The following TUBGCP3 variants were observed in gnomAD, a reference collection of about 807,000 sequenced individuals.
TUBGCP3 encodes tubulin gamma complex component 3.
TUBGCP3 carries 50 observed loss-of-function variants against 123.1 expected under a neutral mutation model. That is an observed-to-expected ratio of 0.41 (90% confidence interval 0.32 to 0.51). TUBGCP3 has a LOEUF of 0.51. Ranked by LOEUF, TUBGCP3 falls within the 20% of genes least tolerant of loss-of-function variation. TUBGCP3 has a pLI of 0.36. For synonymous variants in TUBGCP3, 405 were observed against 413.9 expected (o/e 0.98, Z 0.26); for missense variants, 882 against 1,127.0 (o/e 0.78, Z 3.11).
intron 17 of TUBGCP3, among the ~76,000 whole-genome samples, chr13:112,514,430 T>A (rs1263859754): frequency 1.3e-5 from 2 of 152,092 alleles, no homozygotes; most frequent in African/African-American, 4.8e-5. Flanking sequence ...GGTGGGAGGA[T>A]CACTTGAGCC....
chr13:112,553,112 C>T (rs1321985974), intron 8 of TUBGCP3, among the ~76,000 whole-genome samples: 1 of 152,170 alleles, frequency 6.6e-6, no homozygotes, highest in Non-Finnish European at 1.5e-5. Context: ...ACCAGCCACA[C>T]TGCCACACCA....
chr13:112,548,918 A>T (rs537242367), intron 8 of TUBGCP3, among the ~76,000 whole-genome samples: 1,529 of 152,310 alleles, frequency 0.01, 8 homozygotes, highest in Non-Finnish European at 0.017. Context: ...ATTGTGGAAG[A>T]CAGTGTGGCG....
the TUBGCP3 span, chr13:112,604,672 T>C: frequency 1.3e-5 from 2 of 152,210 alleles, no homozygotes. Flanking sequence ...ATTGAAAAAT[T>C]TGGAAACCAC....
chr13:112,590,061 C>T (rs146852674), upstream of TUBGCP3, among the ~76,000 whole-genome samples: 82 of 151,858 alleles, frequency 5.4e-4, 1 homozygote, highest in East Asian at 0.016. Flanking sequence ...GGCGTGAACT[C>T]CACCTCCTGG....
At chr13:112,497,933 T>A (rs117640458) in intron 20 of TUBGCP3, among the ~76,000 whole-genome samples, 209 of 152,220 alleles carry the variant, frequency 1.4e-3, no homozygotes, top group Admixed American at 4.4e-3. Flanking sequence ...TTAAACAGAT[T>A]ATAGTAAATA....
Position 112,548,133 on chromosome 13 carries a change from C to T in TUBGCP3, c.1010G>A (p.Arg337Gln), listed in dbSNP as rs760378770. 6.9e-6 allele frequency: 11 copies of T among 1,602,708 alleles called. No homozygotes were observed. Among genetic ancestry groups the T allele is most frequent in the Admixed American group, 1.7e-5 (1 of 59,722 alleles). ...CTGAGAATGTAAAACAGAGAGCAAT[C>T]GATAGTATTCTCTGAGTTCCTGGTG... ...ALHQELREYY[R>Q]LLSVLHSQLQ... The change falls in exon 9 of 22, where the codon CGA becomes CAA. Residue 337 changes from arginine (R) to glutamine (Q), a missense_variant. Physicochemically the swap from Arg to Gln is conservative, Grantham distance 43 (BLOSUM62 1). Around this residue, in one of 3 missense-constraint regions of TUBGCP3, gnomAD observed 713 missense variants for 874.0 expected, o/e 0.82. Transcript: ENST00000261965.
chr13:112,528,854 G>GT (rs925893938), intron 11 of TUBGCP3, among the ~76,000 whole-genome samples: 50 of 150,288 alleles, frequency 3.3e-4, no homozygotes, highest in Non-Finnish European at 5.9e-4. Flanking sequence ...ACCTAGATCT[G>GT]TTTTTTTTTC....
At chr13:112,581,094 G>A (rs1882245918) in intron 1 of TUBGCP3, among the ~76,000 whole-genome samples, 1 of 152,038 alleles carries the variant, frequency 6.6e-6, no homozygotes, top group Non-Finnish European at 1.5e-5. Context: ...CCGGCCCCTT[G>A]CTCCCCACAT....
intron 10 of TUBGCP3, chr13:112,547,201 G>T (rs143013341): frequency 2.7e-4 from 102 of 380,842 alleles, no homozygotes; most frequent in Non-Finnish European, 4.4e-4. Context: ...AAAGCAAAAT[G>T]CAAGGAAAGG....
chr13:112,486,281 C>T, intron 21 of TUBGCP3, 130 bp from the exon 22 acceptor site: 1 of 1,150,028 alleles, frequency 8.7e-7, no homozygotes, highest in Non-Finnish European at 1.2e-6. Context: ...TAGTAAATGC[C>T]CACCAGGGCA....
chr13:112,595,064 G>A, the TUBGCP3 span, among the ~76,000 whole-genome samples: 7 of 152,310 alleles, frequency 4.6e-5, no homozygotes, highest in Middle Eastern at 3.4e-3. Flanking sequence ...ATTAGATCCA[G>A]TTGATTGTTC....
intron 17 of TUBGCP3, among the ~76,000 whole-genome samples, chr13:112,515,262 C>G (rs561707856): frequency 6.6e-6 from 1 of 152,292 alleles, no homozygotes; most frequent in South Asian, 2.1e-4. Context: ...TCAGCCTTCA[C>G]AGAGGCTTAT....
chr13:112,541,752 C>A (rs1268138588), intron 11 of TUBGCP3, among the ~76,000 whole-genome samples: 1 of 152,094 alleles, frequency 6.6e-6, no homozygotes, highest in Non-Finnish European at 1.5e-5. Flanking sequence ...CAATATATAT[C>A]CTAATAGTAT....
chr13:112,559,898 G>A (rs1880355774), intron 3 of TUBGCP3, among the ~76,000 whole-genome samples: 1 of 152,204 alleles, frequency 6.6e-6, no homozygotes, highest in Non-Finnish European at 1.5e-5. Context: ...ACTTTGGAAG[G>A]CCAAAGCAGG....
Position 112,559,402 on chromosome 13 carries a change from G to A in TUBGCP3, c.253-3C>T, listed in dbSNP as rs376558395. ...GACCATTTATTTTTCAAAACTCCCT[G>A]TTTGGAAAAAAGTTAATATTAAAAG... On this transcript the variant is annotated splice_polypyrimidine_tract_variant and splice_region_variant and intron_variant, in intron 3 of 21. Coordinates refer to ENST00000261965, the MANE Select transcript of TUBGCP3 (RefSeq NM_006322.6). 18 of 1,592,598 alleles carry A rather than the reference G, an allele frequency of 1.1e-5. No homozygotes were observed. The highest frequency in any genetic ancestry group is 1.4e-5 in the Non-Finnish European group (16 of 1,165,460).
At chr13:112,533,496 A>G (rs1181119971) in intron 11 of TUBGCP3, among the ~76,000 whole-genome samples, 1 of 151,952 alleles carries the variant, frequency 6.6e-6, no homozygotes, top group Non-Finnish European at 1.5e-5. Context: ...TGGGAGGAAA[A>G]ATAATCTCAT....
the TUBGCP3 span, among the ~76,000 whole-genome samples, chr13:112,600,732 G>A: frequency 2.6e-5 from 4 of 151,914 alleles, no homozygotes; most frequent in South Asian, 2.1e-4. Context: ...CTCTCTCTCC[G>A]GGTTGGCAAG....
intron 1 of TUBGCP3, among the ~76,000 whole-genome samples, chr13:112,570,496 A>T (rs879558970): frequency 6.6e-5 from 10 of 151,302 alleles, no homozygotes; most frequent in Non-Finnish European, 1.2e-4. Context: ...ATTATGTCTA[A>T]AAAGAAAAAA....
intron 11 of TUBGCP3, among the ~76,000 whole-genome samples, chr13:112,537,127 CTTTTTTT>C (rs58140098): frequency 5.9e-4 from 46 of 78,126 alleles, no homozygotes; most frequent in Middle Eastern, 0.018. Flanking sequence ...TACCTTTTTC[CTTTTTTT>C]TTTTTTTTTT....
Sources: gnomAD v4.1 joint callset for allele counts (sites outside exome capture counted in the v4.1 genomes callset) on GRCh38, gnomAD v4.1.1 for gene constraint, gnomAD v4.1.1 regional missense constraint, MANE v1.5 for transcripts, NCBI Gene and HGNC (gene_info 2026-07-23, HGNC 2026-07-21) for gene names.